Variants in AKAP6 observed in about 807,000 individuals in gnomAD.
The protein encoded by AKAP6 is A-kinase anchor protein 6.
AKAP6 carries 58 observed loss-of-function variants against 188.5 expected under a neutral mutation model. That is an observed-to-expected ratio of 0.31 (90% CI 0.25 to 0.38). The LOEUF (loss-of-function observed/expected upper bound fraction) is 0.38, where lower values mean the gene tolerates loss of function less well. AKAP6 is among the 10% of genes least tolerant of loss of function. The pLI is 1.00. For synonymous variants in AKAP6, 989 were observed against 998.6 expected, an observed-to-expected ratio of 0.99 and a Z score of 0.18; for missense variants, 2,710 against 2,740.0, an observed-to-expected ratio of 0.99 and a Z score of 0.24.
chr14:32,737,132 AC>A (rs2031465411), intron 11 of AKAP6, among the ~76,000 whole-genome samples: 2 of 152,250 alleles, frequency 1.3e-5, no homozygotes, highest in East Asian at 3.9e-4. Context: ...AACTTTTCAA[AC>A]TTTTTGAGAT....
intron 4 of AKAP6, among the ~76,000 whole-genome samples, chr14:32,563,851 G>A (rs1456089640): frequency 6.6e-6 from 1 of 152,142 alleles, no homozygotes; most frequent in East Asian, 1.9e-4. Flanking sequence ...TTTATGCTAT[G>A]CATGTGTGTT....
intron 2 of AKAP6, among the ~76,000 whole-genome samples, chr14:32,453,698 G>A (rs1392171034): frequency 1.4e-5 from 2 of 141,898 alleles, no homozygotes; most frequent in Non-Finnish European, 3.0e-5. Flanking sequence ...CCGGGTTCAC[G>A]CCATTCTCCT....
intron 4 of AKAP6, among the ~76,000 whole-genome samples, chr14:32,549,481 G>A (rs1041205354): frequency 6.6e-6 from 1 of 152,122 alleles, no homozygotes; most frequent in African/African-American, 2.4e-5. Context: ...AAAGAGAGCT[G>A]TCCTGGTTGG....
chr14:32,424,713 C>A (rs1320302996), intron 1 of AKAP6, among the ~76,000 whole-genome samples: 2 of 152,040 alleles, frequency 1.3e-5, no homozygotes, highest in Admixed American at 1.3e-4. Context: ...TCCATGTGTC[C>A]TCATCATTTA....
At chr14:32,717,889 A>G (rs780070790) in intron 9 of AKAP6, among the ~76,000 whole-genome samples, 1 of 152,088 alleles carries the variant, frequency 6.6e-6, no homozygotes, top group Non-Finnish European at 1.5e-5. Flanking sequence ...GCTATTAAAA[A>G]TCTGTTGGGT....
At chr14:32,535,473 GAGTGTAC>G in intron 2 of AKAP6, 74 bp from the exon 3 acceptor site, 17 of 1,485,912 alleles carry the variant, frequency 1.1e-5, no homozygotes, top group Non-Finnish European at 1.6e-5. Flanking sequence ...TGTTAGGTAA[GAGTGTAC>G]TTTTCTACTA....
In AKAP6 at chr14:32,412,162, T is replaced by A. The variant is rs151042333; in HGVS notation, c.-34-21298T>A. On this transcript the variant is annotated intron_variant, in intron 1 of 13. Transcript: ENST00000280979. Reference sequence around the variant, plus strand: ...TTTAACTATTTCACACCCTCTTATTTAGTAGGTAGCATACAATTGTCTACC... The same window carrying A: ...TTTAACTATTTCACACCCTCTTATTAAGTAGGTAGCATACAATTGTCTACC... 3.3e-3 allele frequency among the ~76,000 whole-genome samples: 509 copies of A among 152,348 alleles called. 8 individuals carry two copies. Among genetic ancestry groups the A allele is most frequent in the East Asian group, 1.2e-3 (6 of 5,190 alleles).
At position 32,703,573 on chromosome 14, in the gene AKAP6, C is replaced by G. The variant is rs542027234; in HGVS notation, c.3000+7463C>G. On this transcript the variant is annotated intron_variant, in intron 9 of 13. Coordinates refer to ENST00000280979, the MANE Select transcript of AKAP6 (RefSeq NM_004274.5). ...TCTAACACATAACAGTTATGTTTCT[C>G]TTGCCTGTAATTCTGCTGGACCCTA... Among the ~76,000 whole-genome samples, 59 of 152,310 alleles carry G rather than the reference C, an allele frequency of 3.9e-4. 1 individual carries two copies. In the South Asian group the frequency reaches 0.012, roughly 32 times the overall value.
At chr14:32,565,212 T>C (rs1328649642) in intron 4 of AKAP6, among the ~76,000 whole-genome samples, 2 of 152,228 alleles carry the variant, frequency 1.3e-5, no homozygotes, top group Non-Finnish European at 2.9e-5. Flanking sequence ...AGCTGTCTTA[T>C]TAAATGCTTC....
chr14:32,794,851 A>C (rs2033716772), intron 12 of AKAP6, among the ~76,000 whole-genome samples: 1 of 152,140 alleles, frequency 6.6e-6, no homozygotes, highest in African/African-American at 2.4e-5. Flanking sequence ...CAGTGAATCC[A>C]AGAGCTATTT....
chr14:32,623,344 T>A (rs896050171), intron 7 of AKAP6, among the ~76,000 whole-genome samples: 1 of 152,204 alleles, frequency 6.6e-6, no homozygotes, highest in Non-Finnish European at 1.5e-5. Context: ...ATTGTGTGCT[T>A]ATGATTTACT....
intron 1 of AKAP6, among the ~76,000 whole-genome samples, chr14:32,393,446 G>T (rs916930143): frequency 1.3e-5 from 2 of 152,096 alleles, no homozygotes; most frequent in African/African-American, 4.8e-5. Flanking sequence ...ACAAATAAAT[G>T]CAGGGAATGA....
In AKAP6 at chr14:32,822,285, A is replaced by T. The variant is rs149724757; in HGVS notation, c.4472A>T (p.Lys1491Ile). The T allele has an allele frequency of 1.6e-4, 260 of 1,613,768 alleles. No homozygotes were observed. The highest frequency in any genetic ancestry group is 2.0e-4 in the Non-Finnish European group (239 of 1,179,932). ...PMIMKQSQSE[K>I]AHVEDPLLRG... ...ATAATGAAACAGTCACAAAGCGAAA[A>T]AGCGCATGTGGAGGATCCCCTGCTT... Residue 1491 changes from lysine (K) to isoleucine (I), a missense_variant, in exon 13 of 14, where the codon AAA becomes ATA. This residue lies in a region of AKAP6 where 2,473 missense variants were observed against 2,426.1 expected (regional missense o/e 1.02). Transcript: ENST00000280979.
intron 11 of AKAP6, among the ~76,000 whole-genome samples, chr14:32,757,708 G>A (rs1012286860): frequency 6.6e-6 from 1 of 152,176 alleles, no homozygotes; most frequent in Non-Finnish European, 1.5e-5. Flanking sequence ...CTCTTCCAAG[G>A]AACACACAGG....
chr14:32,812,828 A>T (rs1218542186), intron 12 of AKAP6, among the ~76,000 whole-genome samples: 2 of 152,170 alleles, frequency 1.3e-5, no homozygotes, highest in African/African-American at 4.8e-5. Flanking sequence ...TAATTCTTTG[A>T]TTTATTGGCA....
chr14:32,447,860 A>G (rs369656771), intron 2 of AKAP6, among the ~76,000 whole-genome samples: 20 of 152,198 alleles, frequency 1.3e-4, no homozygotes, highest in African/African-American at 4.8e-4. Flanking sequence ...CTACAGTGGG[A>G]GTCTTGGTTT....
chr14:32,671,508 C>T (rs1424117317), intron 7 of AKAP6, among the ~76,000 whole-genome samples: 5 of 148,984 alleles, frequency 3.4e-5, no homozygotes, highest in Non-Finnish European at 4.4e-5. Flanking sequence ...TTTTTTTTAC[C>T]GATGGAAAAA....
chr14:32,660,473 A>G (rs563987937), intron 7 of AKAP6, among the ~76,000 whole-genome samples: 1 of 152,250 alleles, frequency 6.6e-6, no homozygotes, highest in South Asian at 2.1e-4. Context: ...AAGCCTGGAA[A>G]GAAACTTCAA....
intron 2 of AKAP6, among the ~76,000 whole-genome samples, chr14:32,437,353 A>G (rs1890415517): frequency 6.6e-6 from 1 of 152,152 alleles, no homozygotes; most frequent in African/African-American, 2.4e-5. Flanking sequence ...TAACTTGTCT[A>G]CACACTTCAT....
Sources: allele counts gnomAD v4.1 joint callset (sites outside exome capture counted in the v4.1 genomes callset), GRCh38; gene constraint gnomAD v4.1.1; regional missense constraint gnomAD v4.1.1; transcripts MANE v1.5; gene names NCBI Gene and HGNC (gene_info 2026-07-23, HGNC 2026-07-21).